EP400: variants seen among roughly 807,000 people sequenced by gnomAD.
EP400 encodes E1A binding protein p400, also known as E1A-binding protein p400.
A neutral mutation model predicts 354.1 loss-of-function variants in EP400; 105 were observed. That is an observed-to-expected ratio of 0.30 (90% CI 0.25 to 0.35). The LOEUF (loss-of-function observed/expected upper bound fraction) is 0.35, where lower values mean the gene tolerates loss of function less well. Among genes scored for constraint, EP400 ranks in the 10% least tolerant of loss-of-function variants. EP400 has a pLI of 1.00. For missense variants in EP400, 3,280 were observed against 4,121.0 expected, an observed-to-expected ratio of 0.80 and a Z score of 5.59; for synonymous variants, 1,646 against 1,716.9, an observed-to-expected ratio of 0.96 and a Z score of 1.02.
Position 131,989,944 on chromosome 12 carries a change from C to CT in EP400, c.2410-18dup. 8 of 1,611,996 alleles carry CT rather than the reference C, an allele frequency of 5.0e-6. No homozygotes were observed. The highest frequency in any genetic ancestry group is 6.8e-6 in the Non-Finnish European group (8 of 1,179,416). ...ATGACATAGAGTACAACATACAATTCTTGCACTTTTATTCACCAGCTCGTT... is the reference window on the plus strand; with the variant it reads ...ATGACATAGAGTACAACATACAATTCTTTGCACTTTTATTCACCAGCTCGTT... On this transcript the variant is annotated intron_variant, in intron 7 of 52. Coordinates refer to ENST00000389561, the MANE Select transcript of EP400 (RefSeq NM_015409.5).
intron 1 of EP400, among the ~76,000 whole-genome samples, chr12:131,950,746 C>T (rs925090366): frequency 2.0e-5 from 3 of 152,208 alleles, no homozygotes; most frequent in South Asian, 2.1e-4. Context: ...TAACGTATCC[C>T]AGTGCTTTAT....
rs1896332356 is a variant in EP400 at position 132,079,880 on chromosome 12, C to T, written c.*2207C>T. The T allele has an allele frequency of 6.6e-6, 1 of 152,228 alleles. No individual in the cohort carries two copies. Among genetic ancestry groups the T allele is most frequent in the South Asian group, 2.1e-4 (1 of 4,834 alleles). 9.4% of individuals were successfully genotyped at this position (152,228 alleles called of 1,614,324 possible). ...TGCTACCGTTGACCTGAGTTAAATT[C>T]ATTTAGTCGTGTACGTAAAAACTCT... On this transcript the variant is annotated 3_prime_UTR_variant, in exon 53 of 53. Coordinates refer to ENST00000389561, the MANE Select transcript of EP400 (RefSeq NM_015409.5).
At chr12:132,003,680 G>C (rs1293055072) in intron 12 of EP400, among the ~76,000 whole-genome samples, 1 of 152,110 alleles carries the variant, frequency 6.6e-6, no homozygotes, top group African/African-American at 2.4e-5. Context: ...GTGCATCCCA[G>C]CATTTCGCTC....
rs1894438495 is a variant in EP400, at chr12:132,030,084, T to C, written c.5680T>C (p.Leu1894=). ...LSQMILMLDI[L]EMFLNFHYLT... ...ACAGATGATTCTTATGTTGGACATT[T>C]TAGAGATGTTCTTGAACTTCCATTA... The change falls in exon 29 of 53, where the codon TTA becomes CTA. Residue 1894 remains leucine, a synonymous_variant. Transcript: ENST00000389561. 2 of 1,614,242 alleles carry C rather than the reference T, an allele frequency of 1.2e-6. No individual in the cohort carries two copies. The highest frequency in any genetic ancestry group is 1.7e-5 in the Admixed American group (1 of 60,032).
In EP400 at chr12:132,017,766, T is replaced by C. The variant is rs542941515; in HGVS notation, c.4110+45T>C. 6.7e-7 allele frequency: 1 copy of C among 1,494,654 alleles called. No individual in the cohort carries two copies. The highest frequency in any genetic ancestry group is 1.4e-5 in the African/African-American group (1 of 71,038). 92.6% of individuals were successfully genotyped at this position (1,494,654 alleles called of 1,614,324 possible). A position where few individuals can be genotyped will look rare whatever the true frequency, so the allele number is the denominator to read the frequency against. ...AGCGGAATTACTGTTGGATATCTTT[T>C]CTAGGCACATTATAGATAAAACCAT... On this transcript the variant is annotated intron_variant, in intron 20 of 52. Transcript: ENST00000389561. The surrounding 1 kb of genome is among the most constrained non-coding windows in gnomAD (Gnocchi z 5.0).
At chr12:132,035,962 G>A (rs994745276) in intron 30 of EP400, among the ~76,000 whole-genome samples, 2 of 139,954 alleles carry the variant, frequency 1.4e-5, no homozygotes, top group African/African-American at 2.7e-5. Context: ...ACACAGCATC[G>A]TGGAACGACA....
chr12:132,022,595 G>A (rs1894155546), intron 23 of EP400, among the ~76,000 whole-genome samples: 1 of 151,790 alleles, frequency 6.6e-6, no homozygotes, highest in Non-Finnish European at 1.5e-5. Flanking sequence ...TTTGAGTTGG[G>A]GGCAAATGAC....
intron 23 of EP400, among the ~76,000 whole-genome samples, chr12:132,022,023 G>A (rs1210746944): frequency 6.6e-6 from 1 of 152,184 alleles, no homozygotes; most frequent in African/African-American, 2.4e-5. Context: ...CAAATTATGT[G>A]GAGGCCTTTC....
chr12:132,038,046 C>A lies in EP400; in HGVS notation c.6157C>A (p.Pro2053Thr), dbSNP rs1329787091. ...GGAGTTTGTGGTGCTTTCTCAGGAA[C>A]CTTCTGTCACGGAAACCATTGCACC... is the stretch of plus-strand genomic sequence containing the variant. ...AEEFVVLSQE[P>T]SVTETIAPKI... The change falls in exon 32 of 53, where the codon CCT (proline) becomes ACT (threonine). Residue 2053 changes from proline to threonine, a missense_variant. Transcript: ENST00000389561. The surrounding 1 kb of genome is among the most constrained non-coding windows in gnomAD (Gnocchi z 4.2). 1 of 1,614,080 alleles carries A rather than the reference C, an allele frequency of 6.2e-7. No homozygotes were observed.
chr12:131,969,342 A>G (rs1892211562), intron 2 of EP400, among the ~76,000 whole-genome samples: 1 of 152,182 alleles, frequency 6.6e-6, no homozygotes, highest in African/African-American at 2.4e-5. Flanking sequence ...TTCAGTGTTA[A>G]CAGTTTGCAG....
intron 1 of EP400, among the ~76,000 whole-genome samples, chr12:131,954,896 C>T (rs1456911078): frequency 6.7e-6 from 1 of 150,324 alleles, no homozygotes; most frequent in African/African-American, 2.5e-5. Flanking sequence ...GCTGTGGTGG[C>T]GTGTAAGTCC....
intron 2 of EP400, among the ~76,000 whole-genome samples, chr12:131,966,075 C>T (rs1026394566): frequency 1.1e-4 from 16 of 151,706 alleles, no homozygotes; most frequent in Middle Eastern, 6.9e-3. Context: ...AATCAGATTT[C>T]TGGGTATGTT....
intron 37 of EP400, 33 bp downstream of exon 37, chr12:132,044,986 G>A (rs781482916): frequency 1.2e-6 from 2 of 1,610,944 alleles, no homozygotes; most frequent in Non-Finnish European, 1.7e-6. Context: ...ATGACCTGGG[G>A]GGGCCCTGGC....
At position 132,062,569 on chromosome 12, in the gene EP400, G is replaced by A. The variant is rs1021053596; in HGVS notation, c.8202G>A (p.Gln2734=). 24 of 1,607,930 alleles carry A rather than the reference G, an allele frequency of 1.5e-5. No individual in the cohort carries two copies. The highest frequency in any genetic ancestry group is 2.2e-5 in the East Asian group (1 of 44,778). ...QQQQQQQQQQ[Q]QQQQQQQQQQ... ...AACAACAGCAGCAGCAGCAGCAGCA[G>A]CAGCAGCAGCAGCAGCAGCAGCAAC... Residue 2734 remains glutamine (Q), a synonymous_variant, in exon 47 of 53, where the codon CAG becomes CAA. Transcript: ENST00000389561.
intron 15 of EP400, among the ~76,000 whole-genome samples, chr12:132,008,244 G>A (rs759845003): frequency 3.9e-5 from 6 of 152,054 alleles, no homozygotes; most frequent in African/African-American, 7.2e-5. Context: ...CACCGCACCC[G>A]GCCTGAGGGT....
intron 30 of EP400, among the ~76,000 whole-genome samples, chr12:132,033,071 C>T (rs1489033090): frequency 6.6e-6 from 1 of 152,148 alleles, no homozygotes; most frequent in Non-Finnish European, 1.5e-5. Flanking sequence ...CCTCAGCCCC[C>T]CGAGGAGCTG....
intron 2 of EP400, among the ~76,000 whole-genome samples, chr12:131,964,984 A>T (rs1217093750): frequency 6.6e-6 from 1 of 152,206 alleles, no homozygotes; most frequent in Non-Finnish European, 1.5e-5. Context: ...GTCTTTCATG[A>T]CCTTGGCTTT....
chr12:131,972,725 CT>C (rs144441438), intron 2 of EP400, among the ~76,000 whole-genome samples: 12,323 of 98,174 alleles, frequency 0.13, 230 homozygotes, highest in African/African-American at 0.35. Flanking sequence ...CTAACACAAC[CT>C]TTTTTTTTTT....
chr12:131,987,894 G>C lies in EP400; in HGVS notation c.2409+4G>C, dbSNP rs746602467. On this transcript the variant is annotated splice_donor_region_variant and intron_variant, in intron 7 of 52. Coordinates refer to ENST00000389561, the MANE Select transcript of EP400 (RefSeq NM_015409.5). ...GAAGGTGGCTGCTGCGAAGAAGGTG[G>C]GTTGGAATGCGTGGAGCTGCTGTGC... 169 of 1,602,632 alleles carry C rather than the reference G, an allele frequency of 1.1e-4. No individual in the cohort carries two copies. The highest frequency in any genetic ancestry group is 1.3e-4 in the Non-Finnish European group (155 of 1,173,702).
Sources: gnomAD v4.1 joint callset for allele counts (sites outside exome capture counted in the v4.1 genomes callset) on GRCh38, gnomAD v4.1.1 for gene constraint, Gnocchi (gnomAD v3.1) non-coding constraint, MANE v1.5 for transcripts, NCBI Gene and HGNC (gene_info 2026-07-23, HGNC 2026-07-21) for gene names.